BSDC1: variants seen among roughly 807,000 people sequenced by gnomAD.
BSDC1 encodes BSD domain containing 1.
In BSDC1, 29 loss-of-function variants were observed where a neutral mutation model predicts 56.0. The ratio of observed to expected loss-of-function variants is 0.52; its 90% CI spans 0.39 to 0.71. BSDC1 has a LOEUF of 0.71. Among genes scored for constraint, BSDC1 ranks in the 30% least tolerant of loss-of-function variants. BSDC1 has a pLI of 0.00. For synonymous variants in BSDC1, 210 were observed against 215.3 expected, an observed-to-expected ratio of 0.98 and a Z score of 0.21; for missense variants, 477 against 548.5, an observed-to-expected ratio of 0.87 and a Z score of 1.30.
At chr1:32,387,949 T>C (rs1432298420) in intron 2 of BSDC1, among the ~76,000 whole-genome samples, 3 of 152,224 alleles carry the variant, frequency 2.0e-5, no homozygotes, top group Admixed American at 2.0e-4. Flanking sequence ...TCTATTCATA[T>C]ACAAAGCTCC....
intron 2 of BSDC1, among the ~76,000 whole-genome samples, chr1:32,389,839 G>A (rs72880323): frequency 0.012 from 1,825 of 151,890 alleles, 5 homozygotes; most frequent in Middle Eastern, 0.037. Flanking sequence ...CAGAAGTGGT[G>A]GTACACGCCT....
At position 32,365,764 on chromosome 1, in the gene BSDC1, T is replaced by C; in HGVS notation, c.*858A>G. 1 of 152,728 alleles carries C rather than the reference T, an allele frequency of 6.5e-6. No individual in the cohort carries two copies. The highest frequency in any genetic ancestry group is 1.9e-4 in the East Asian group (1 of 5,202). The allele number at this position is 152,728 out of a possible 1,614,324, so 9.5% of individuals were successfully genotyped here. A position where few individuals can be genotyped will look rare whatever the true frequency, so the allele number is the denominator to read the frequency against. On this transcript the variant is annotated 3_prime_UTR_variant, in exon 11 of 11. Coordinates refer to ENST00000455895, the MANE Select transcript of BSDC1 (RefSeq NM_018045.8). ...TTTGATCACCGCTCTGTACCGCTGG[T>C]AGCTGTTTTGTGTCCTAAACTACAG...
intron 3 of BSDC1, 46 bp downstream of exon 3, chr1:32,386,733 C>G (rs981905741): frequency 6.8e-7 from 1 of 1,464,674 alleles, no homozygotes; most frequent in African/African-American, 1.4e-5. Context: ...CAGGACAGGA[C>G]AGGTTGCGAG....
chr1:32,375,666 C>A (rs933724247), intron 9 of BSDC1, among the ~76,000 whole-genome samples: 2 of 152,178 alleles, frequency 1.3e-5, no homozygotes, highest in Admixed American at 1.3e-4. Flanking sequence ...ATTATTTCTT[C>A]TTTAAACTGT....
At chr1:32,369,017 T>C (rs1042682073) in intron 9 of BSDC1, among the ~76,000 whole-genome samples, 1 of 152,184 alleles carries the variant, frequency 6.6e-6, no homozygotes, top group Admixed American at 6.5e-5. Flanking sequence ...TAAGAATCTA[T>C]TCTAAGGAAA....
chr1:32,388,525 CCTT>C (rs1412745512), intron 2 of BSDC1, among the ~76,000 whole-genome samples: 1 of 152,188 alleles, frequency 6.6e-6, no homozygotes, highest in East Asian at 1.9e-4. Flanking sequence ...ACTTCATTCT[CCTT>C]ATGACACCCA....
chr1:32,377,874 GGGCACCAAGTCTCTCCA>G (rs1289678313), intron 8 of BSDC1, 79 bp downstream of exon 8: 1 of 1,193,988 alleles, frequency 8.4e-7, no homozygotes, highest in Admixed American at 2.3e-5. Flanking sequence ...CTTCCCTGAT[GGGCACCAAGTCTCTCCA>G]GGCTTCAGAG....
At chr1:32,394,028 T>C (rs1049473697) in intron 2 of BSDC1, 52 bp downstream of exon 2, 18 of 1,570,688 alleles carry the variant, frequency 1.1e-5, no homozygotes, top group South Asian at 9.2e-5. Flanking sequence ...CCAGGTTGCA[T>C]TGAGGCGGCG....
intron 2 of BSDC1, among the ~76,000 whole-genome samples, chr1:32,390,843 G>A (rs183492838): frequency 6.6e-6 from 1 of 152,206 alleles, no homozygotes; most frequent in Admixed American, 6.5e-5. Flanking sequence ...TCCAGGAAGT[G>A]GAGGTTGCAG....
chr1:32,389,139 A>C (rs1642777459), intron 2 of BSDC1, among the ~76,000 whole-genome samples: 2 of 151,872 alleles, frequency 1.3e-5, no homozygotes, highest in South Asian at 4.1e-4. Flanking sequence ...TATTTTTAGT[A>C]GAGACGGGAT....
At chr1:32,367,282 C>G in intron 10 of BSDC1, 1 of 985,438 alleles carries the variant, frequency 1.0e-6, no homozygotes. Context: ...ATAGCAGGTT[C>G]TAGAATGCTC....
chr1:32,389,924 G>C (rs1235666680), intron 2 of BSDC1, among the ~76,000 whole-genome samples: 1 of 148,680 alleles, frequency 6.7e-6, no homozygotes, highest in East Asian at 2.0e-4. Context: ...AGTGGGCTGT[G>C]ATCATGCCAC....
Position 32,376,543 on chromosome 1 carries a change from G to C in BSDC1, c.875C>G (p.Pro292Arg). 1 of 1,559,628 alleles carries C rather than the reference G, an allele frequency of 6.4e-7. No homozygotes were observed. The highest frequency in any genetic ancestry group is 1.3e-5 in the African/African-American group (1 of 74,124). The change falls in exon 9 of 11, where the codon CCG (proline) becomes CGG (arginine). Residue 292 changes from proline to arginine, a missense_variant. Transcript: ENST00000455895. Reference protein sequence around the residue: ...SISLVTQIANPATAPEARVLP... With the variant: ...SISLVTQIANRATAPEARVLP... ...CACTCGTGCCTCAGGTGCAGTGGCC[G>C]GGTTGGCGATCTGTGTCACGAGGGA...
intron 10 of BSDC1, chr1:32,367,690 G>T: frequency 1.0e-6 from 1 of 985,326 alleles, no homozygotes; most frequent in Non-Finnish European, 1.2e-6. Context: ...TTTTGATTCT[G>T]AGAGGTAGTG....
chr1:32,377,952 C>A lies in BSDC1; in HGVS notation c.676+18G>T. 2 of 1,605,030 alleles carry A rather than the reference C, an allele frequency of 1.2e-6. No individual in the cohort carries two copies. ...GCACAGATGTGACACTTGCCCCTCA[C>A]CTCTCAACGCCTCTTACCTTCCTCC... On this transcript the variant is annotated intron_variant, in intron 8 of 10. Transcript: ENST00000455895.
intron 9 of BSDC1, 150 bp from the exon 10 acceptor site, chr1:32,368,700 C>G (rs1641950527): frequency 2.5e-6 from 2 of 794,606 alleles, no homozygotes; most frequent in African/African-American, 3.5e-5. Flanking sequence ...ACCAATCGTA[C>G]TTTTTTTTTT....
Position 32,384,084 on chromosome 1 carries a change from T to C in BSDC1, c.190-87A>G, listed in dbSNP as rs758493130. 5 of 1,582,514 alleles carry C rather than the reference T, an allele frequency of 3.2e-6. No individual in the cohort carries two copies. The Admixed American group carries it at 5.0e-5, about 16-fold the overall frequency. On this transcript the variant is annotated intron_variant, in intron 3 of 10. Transcript: ENST00000455895. Reference sequence around the variant, plus strand: ...GGGGTAAAACATTGGGGCAAAGGTGTACCGTGTGTTGGGGGACCAGGGAAG... The same window carrying C: ...GGGGTAAAACATTGGGGCAAAGGTGCACCGTGTGTTGGGGGACCAGGGAAG...
intron 5 of BSDC1, among the ~76,000 whole-genome samples, chr1:32,379,293 C>T (rs1642405774): frequency 6.6e-6 from 1 of 152,024 alleles, no homozygotes; most frequent in Non-Finnish European, 1.5e-5. Context: ...TCTCTGTGGG[C>T]TTCTCGTTTT....
At chr1:32,387,583 C>T (rs1318149927) in intron 2 of BSDC1, among the ~76,000 whole-genome samples, 3 of 152,170 alleles carry the variant, frequency 2.0e-5, no homozygotes, top group East Asian at 1.9e-4. Context: ...TCAGGTGATC[C>T]GCCCACCTTG....
Sources: allele counts gnomAD v4.1 joint callset (sites outside exome capture counted in the v4.1 genomes callset), GRCh38; gene constraint gnomAD v4.1.1; transcripts MANE v1.5; gene names NCBI Gene and HGNC (gene_info 2026-07-23, HGNC 2026-07-21).